IGFN1: variants seen among roughly 807,000 people sequenced by gnomAD.
IGFN1 encodes immunoglobulin like and fibronectin type III domain containing 1, also known as immunoglobulin-like and fibronectin type III domain-containing protein 1.
IGFN1 carries 253 observed loss-of-function variants against 289.5 expected under a neutral mutation model. The ratio of observed to expected loss-of-function variants is 0.87; its 90% CI spans 0.79 to 0.97. The LOEUF (loss-of-function observed/expected upper bound fraction) is 0.97, where lower values mean the gene tolerates loss of function less well. Among genes scored for constraint, IGFN1 ranks in the 50% least tolerant of loss-of-function variants. The probability of loss-of-function intolerance (pLI) is 0.00; values close to 1 mark genes in which losing one functional copy is unlikely to be tolerated. For synonymous variants in IGFN1, 1,706 were observed against 1,788.5 expected, an observed-to-expected ratio of 0.95 and a Z score of 1.16; for missense variants, 4,470 against 4,686.1, an observed-to-expected ratio of 0.95 and a Z score of 1.35.
At position 201,210,664 on chromosome 1, in the gene IGFN1, C is replaced by A. The variant is rs1199854213; in HGVS notation, c.5771C>A (p.Ala1924Glu). Residue 1924 changes from alanine to glutamate, a missense_variant, in exon 12 of 24, where the codon GCA (alanine) becomes GAA (glutamate). Ala to Glu is a moderately radical substitution (Grantham distance 107). This residue lies in a region of IGFN1 where 108 missense variants were observed against 128.7 expected (regional missense o/e 0.84). Coordinates refer to ENST00000335211, the MANE Select transcript of IGFN1 (RefSeq NM_001164586.2). Reference sequence around the variant, plus strand: ...GTAGAAATGGGGTCAGTGAATGAGGCAGGTTATAGGAAGGATTTGGGGGCT... The same window carrying A: ...GTAGAAATGGGGTCAGTGAATGAGGAAGGTTATAGGAAGGATTTGGGGGCT... ...SSVEMGSVNE[A>E]GYRKDLGAPE... The A allele has an allele frequency of 6.6e-7, 1 of 1,509,972 alleles. No individual in the cohort carries two copies. The highest frequency in any genetic ancestry group is 2.5e-5 in the East Asian group (1 of 39,650). The allele number at this position is 1,509,972 out of a possible 1,614,324, so 93.5% of individuals were successfully genotyped here. A position where few individuals can be genotyped will look rare whatever the true frequency, so the allele number is the denominator to read the frequency against.
Position 201,200,357 on chromosome 1 carries a change from C to T in IGFN1, c.579C>T (p.Gly193=). Residue 193 remains glycine (G), a synonymous_variant, in exon 8 of 24, where the codon GGC becomes GGT. Transcript: ENST00000335211. ...CLKYGIVDYR[G]MLRRLQEMKK... is the part of the protein sequence containing the mutation. ...AGTATGGCATCGTCGACTACCGTGG[C>T]ATGTTGCGCAGGCTGCAGGAGATGA... 1 of 1,551,822 alleles carries T rather than the reference C, an allele frequency of 6.4e-7. No homozygotes were observed. The highest frequency in any genetic ancestry group is 8.7e-7 in the Non-Finnish European group (1 of 1,147,022).
rs2102328987 is a variant in IGFN1 at position 201,203,790 on chromosome 1, GC to G, written c.802del (p.Arg268GlyfsTer13). The G allele has an allele frequency of 3.9e-6, 6 of 1,551,732 alleles. No individual in the cohort carries two copies. Among genetic ancestry groups the G allele is most frequent in the Non-Finnish European group, 5.2e-6 (6 of 1,147,022 alleles). On this transcript the variant is annotated frameshift_variant, in exon 10 of 24. Coordinates refer to ENST00000335211, the MANE Select transcript of IGFN1 (RefSeq NM_001164586.2). LOFTEE classifies it high-confidence loss of function. ...AACAACCAAACCAAGCACTGTCTGCGCCGGCTGGGGAAGCGCTATGAGTTCC... is the reference window on the plus strand; with the variant it reads ...AACAACCAAACCAAGCACTGTCTGCGCGGCTGGGGAAGCGCTATGAGTTCC... Reference protein sequence around the residue: ...GFNNQTKHCLRRLGKRYEFQI... With the variant: ...GFNNQTKHCLXRLGKRYEFQI...
Position 201,212,544 on chromosome 1 carries a change from C to T in IGFN1, c.7651C>T (p.Arg2551Trp), listed in dbSNP as rs141855456. The T allele has an allele frequency of 7.2e-5, 111 of 1,549,058 alleles. No individual in the cohort carries two copies. Among genetic ancestry groups the T allele is most frequent in the Middle Eastern group, 5.0e-4 (3 of 5,986 alleles). ...GGCTGCTCTAGGGTCTGGATATGAA[C>T]GGGACATCTGGAAAGCAGGCCCAGG... ...GMAALGSGYE[R>W]DIWKAGPGMT... Residue 2551 changes from arginine to tryptophan, a missense_variant, in exon 12 of 24, where the codon CGG becomes TGG. By Grantham distance (101) the Arg-to-Trp change is moderately radical (BLOSUM62 -3). Around this residue, in one of 8 missense-constraint regions of IGFN1, gnomAD observed 2,218 missense variants for 2,114.1 expected, o/e 1.05. Transcript: ENST00000335211.
At position 201,213,526 on chromosome 1, in the gene IGFN1, G is replaced by T; in HGVS notation, c.8633G>T (p.Gly2878Val). 6.2e-7 allele frequency: 1 copy of T among 1,614,066 alleles called. No individual in the cohort carries two copies. The highest frequency in any genetic ancestry group is 1.7e-5 in the Admixed American group (1 of 60,012). Reference sequence around the variant, plus strand: ...GGTAGCAGGAGAAGTGGCAAAGACGGCAGGTTGGACATCTATGGAGAGAGG... The same window carrying T: ...GGTAGCAGGAGAAGTGGCAAAGACGTCAGGTTGGACATCTATGGAGAGAGG... ...HLGSRRSGKDGRLDIYGERRD... is the reference protein window; with the variant it reads ...HLGSRRSGKDVRLDIYGERRD... The change falls in exon 12 of 24, where the codon GGC becomes GTC. Residue 2878 changes from glycine (G) to valine (V), a missense_variant. Gly to Val is a moderately radical substitution (Grantham distance 109, BLOSUM62 -3). Around this residue, in one of 8 missense-constraint regions of IGFN1, gnomAD observed 2,218 missense variants for 2,114.1 expected, o/e 1.05. Coordinates refer to ENST00000335211, the MANE Select transcript of IGFN1 (RefSeq NM_001164586.2).
At chr1:201,199,755 A>C in intron 7 of IGFN1, 101 bp downstream of exon 7, 1 of 998,682 alleles carries the variant, frequency 1.0e-6, no homozygotes, top group Non-Finnish European at 1.5e-6. Context: ...CCTCTACCCA[A>C]CACAGCAGGG....
At position 201,225,964 on chromosome 1, in the gene IGFN1, C is replaced by G. The variant is rs1459319093; in HGVS notation, c.10627C>G (p.Pro3543Ala). The change falls in exon 22 of 24, where the codon CCC becomes GCC. Residue 3543 changes from proline to alanine, a missense_variant. Pro to Ala is a conservative substitution (Grantham distance 27). Coordinates refer to ENST00000335211, the MANE Select transcript of IGFN1 (RefSeq NM_001164586.2). Reference protein sequence around the residue: ...AVFTRSSAHGPWHEAADRIHT... With the variant: ...AVFTRSSAHGAWHEAADRIHT... ...GTTCACACGCTCCTCAGCGCACGGT[C>G]CCTGGCACGAGGCAGCCGACCGCAT... The G allele has an allele frequency of 6.3e-7, 1 of 1,582,668 alleles. No individual in the cohort carries two copies. The highest frequency in any genetic ancestry group is 8.6e-7 in the Non-Finnish European group (1 of 1,162,590).
At position 201,216,761 on chromosome 1, in the gene IGFN1, A is replaced by T; in HGVS notation, c.9595+8A>T. 6.3e-7 allele frequency: 1 copy of T among 1,583,224 alleles called. No individual in the cohort carries two copies. The highest frequency in any genetic ancestry group is 8.6e-7 in the Non-Finnish European group (1 of 1,163,012). On this transcript the variant is annotated splice_region_variant and intron_variant, in intron 16 of 23. Transcript: ENST00000335211. ...TATTGGTGGCTCCTGAGGGTGAGAG[A>T]AAAGGCTGGGGCTGGGGGTGGGGGA...
Position 201,195,891 on chromosome 1 carries a change from G to T in IGFN1, c.180G>T (p.Val60=), listed in dbSNP as rs565971078. 6.4e-7 allele frequency: 1 copy of T among 1,551,730 alleles called. No homozygotes were observed. Among genetic ancestry groups the T allele is most frequent in the South Asian group, 1.2e-5 (1 of 84,048 alleles). Residue 60 remains valine (V), a synonymous_variant, in exon 4 of 24, where the codon GTG becomes GTT. Coordinates refer to ENST00000335211, the MANE Select transcript of IGFN1 (RefSeq NM_001164586.2). ...TCTGTGGGGAGCCCAGGCCCGAGGT[G>T]CGTTGGCAGAACTCCAAAGGTGACC... ...AVVCGEPRPE[V]RWQNSKGDLS... is the part of the protein sequence containing the mutation.
At chr1:201,213,701 G>A (rs893374908) in intron 12 of IGFN1, 80 bp downstream of exon 12, 1 of 1,190,102 alleles carries the variant, frequency 8.4e-7, no homozygotes, top group Non-Finnish European at 1.2e-6. Context: ...GCTTGGGTCT[G>A]TCCCAGTTCT....
At chr1:201,196,493 C>T (rs892558373) in intron 4 of IGFN1, among the ~76,000 whole-genome samples, 6 of 152,228 alleles carry the variant, frequency 3.9e-5, no homozygotes, top group Admixed American at 2.0e-4. Context: ...TACAGGCATG[C>T]GCCATCACGC....
chr1:201,212,323 AG>A lies in IGFN1; in HGVS notation c.7432del (p.Ala2478ProfsTer34). On this transcript the variant is annotated frameshift_variant, in exon 12 of 24. Transcript: ENST00000335211. LOFTEE classifies it high-confidence loss of function. The stretch of plus-strand genomic sequence containing the variant: ...GGCTATGGAACTTCAGGGATCCCTG[AG>A]GCCTCGGAGGCTGCTGGTGCCAAGG... Reference protein sequence around the residue: ...LGGYGTSGIPEASEAAGAKGK... With the variant: ...LGGYGTSGIPXASEAAGAKGK... 6.5e-7 allele frequency: 1 copy of A among 1,536,690 alleles called. No individual in the cohort carries two copies. The highest frequency in any genetic ancestry group is 8.7e-7 in the Non-Finnish European group (1 of 1,146,776).
chr1:201,200,238 G>A lies in IGFN1; in HGVS notation c.460G>A (p.Ala154Thr), dbSNP rs1329968975. The A allele has an allele frequency of 1.3e-6, 2 of 1,551,218 alleles. No individual in the cohort carries two copies. Among genetic ancestry groups the A allele is most frequent in the South Asian group, 1.2e-5 (1 of 83,972 alleles). ...MDFRKLLKKRAPPAPKKKMDL... is the reference protein window; with the variant it reads ...MDFRKLLKKRTPPAPKKKMDL... Reference sequence around the variant, plus strand: ...TGACCTGCTAGCCTTGCTCCCCAGGGCCCCACCAGCCCCCAAGAAAAAGAT... The same window carrying A: ...TGACCTGCTAGCCTTGCTCCCCAGGACCCCACCAGCCCCCAAGAAAAAGAT... The change falls in exon 8 of 24, where the codon GCC becomes ACC. Residue 154 changes from alanine (A) to threonine (T), a missense_variant and splice_region_variant. Physicochemically the swap from Ala to Thr is moderately conservative, Grantham distance 58 (BLOSUM62 0). Around this residue, in one of 8 missense-constraint regions of IGFN1, gnomAD observed 2,011 missense variants for 1,953.4 expected, o/e 1.03. Transcript: ENST00000335211.
rs780125826 is a variant in IGFN1, at chr1:201,214,265, C to T, written c.8817C>T (p.Asp2939=). Residue 2939 remains aspartate, a synonymous_variant, in exon 13 of 24, where the codon GAC becomes GAT. Transcript: ENST00000335211. ...CACTCTCCTGTACCCTCACCAGTGA[C>T]CTGGGACCTGGCACCTGGTTTAAGG... ...AATLSCTLTS[D]LGPGTWFKDG... 6 of 1,613,088 alleles carry T rather than the reference C, an allele frequency of 3.7e-6. No homozygotes were observed. The highest frequency in any genetic ancestry group is 4.5e-5 in the East Asian group (2 of 44,854).
intron 17 of IGFN1, among the ~76,000 whole-genome samples, chr1:201,217,670 T>C (rs1340530034): frequency 1.3e-5 from 2 of 152,138 alleles, no homozygotes; most frequent in Non-Finnish European, 2.9e-5. Flanking sequence ...CAAAACCTCC[T>C]ACAGTATACA....
At position 201,226,066 on chromosome 1, in the gene IGFN1, C is replaced by G. The variant is rs137958343; in HGVS notation, c.10729C>G (p.Leu3577Val). 19 of 1,602,352 alleles carry G rather than the reference C, an allele frequency of 1.2e-5. No homozygotes were observed. In the African/African-American group the frequency reaches 2.4e-4, roughly 20 times the overall value. ...YHFRVVAKNELGASKPSDTSQ... is the reference protein window; with the variant it reads ...YHFRVVAKNEVGASKPSDTSQ... ...CTTCAGGGTGGTGGCCAAGAATGAG[C>G]TGGGGGCCAGCAAACCCTCGGACAC... The change falls in exon 22 of 24, where the codon CTG becomes GTG. Residue 3577 changes from leucine to valine, a missense_variant. By Grantham distance (32) the Leu-to-Val change is conservative. Transcript: ENST00000335211.
At position 201,212,617 on chromosome 1, in the gene IGFN1, AG is replaced by A; in HGVS notation, c.7727del (p.Gly2576GlufsTer12). ...GCTGGCCAGGGGGGGTTGGCATCTC[AG>A]GGAGGTGGGGACTCACTTTTGGGAG... ...RVAGQGGLASQGGGDSLLGGR... is the reference protein window; with the variant it reads ...RVAGQGGLASXGGGDSLLGGR... On this transcript the variant is annotated frameshift_variant, in exon 12 of 24. Transcript: ENST00000335211. LOFTEE classifies it high-confidence loss of function. 3 of 1,543,382 alleles carry A rather than the reference AG, an allele frequency of 1.9e-6. No individual in the cohort carries two copies. The highest frequency in any genetic ancestry group is 2.6e-6 in the Non-Finnish European group (3 of 1,142,886).
rs563155391 is a variant in IGFN1, at chr1:201,194,233, G to A, written c.87G>A (p.Pro29=). 3.7e-5 allele frequency: 58 copies of A among 1,551,572 alleles called. 1 individual carries two copies. In the Middle Eastern group the frequency reaches 5.0e-4, roughly 13 times the overall value. Residue 29 remains proline (P), a synonymous_variant, in exon 3 of 24, where the codon CCG becomes CCA. Transcript: ENST00000335211. ...AGATCCCTGAAGGCTGCAGCACGCC[G>A]GACTTTGAGCAGAAGCCCGTCACCT... ...VEEIPEGCST[P]DFEQKPVTSA... is the part of the protein sequence containing the mutation.
rs751920984 is a variant in IGFN1 at position 201,215,074 on chromosome 1, C to A, written c.8915C>A (p.Thr2972Lys). 2.5e-6 allele frequency: 4 copies of A among 1,613,966 alleles called. No individual in the cohort carries two copies. The highest frequency in any genetic ancestry group is 2.7e-5 in the African/African-American group (2 of 74,904). ...GGTCTCGTGCACAGCCTCTTCATCACGCATGTGCAGGGGACCCAAGCTGGG... is the reference window on the plus strand; with the variant it reads ...GGTCTCGTGCACAGCCTCTTCATCAAGCATGTGCAGGGGACCCAAGCTGGG... ...QDGLVHSLFI[T>K]HVQGTQAGRY... Residue 2972 changes from threonine (T) to lysine (K), a missense_variant, in exon 14 of 24, where the codon ACG becomes AAG. Coordinates refer to ENST00000335211, the MANE Select transcript of IGFN1 (RefSeq NM_001164586.2).
At position 201,211,268 on chromosome 1, in the gene IGFN1, G is replaced by T; in HGVS notation, c.6375G>T (p.Arg2125Ser). 1.3e-6 allele frequency: 2 copies of T among 1,531,776 alleles called. No individual in the cohort carries two copies. The highest frequency in any genetic ancestry group is 3.4e-4 in the Middle Eastern group (2 of 5,970). 94.9% of individuals were successfully genotyped at this position (1,531,776 alleles called of 1,614,324 possible). The part of the protein sequence containing the change: ...GIGSGSKAGF[R>S]DGLGSSTEMG... ...GTTCAGGAAGTAAGGCAGGTTTTAGGGATGGTTTAGGGAGTTCTACAGAAA... is the reference window on the plus strand; with the variant it reads ...GTTCAGGAAGTAAGGCAGGTTTTAGTGATGGTTTAGGGAGTTCTACAGAAA... The change falls in exon 12 of 24, where the codon AGG becomes AGT. Residue 2125 changes from arginine to serine, a missense_variant. Physicochemically the swap from Arg to Ser is moderately radical, Grantham distance 110 (BLOSUM62 -1). This residue lies in a region of IGFN1 where 2,218 missense variants were observed against 2,114.1 expected (regional missense o/e 1.05). Transcript: ENST00000335211.
Sources: gnomAD v4.1 joint callset for allele counts (sites outside exome capture counted in the v4.1 genomes callset) on GRCh38, gnomAD v4.1.1 for gene constraint, gnomAD v4.1.1 regional missense constraint, MANE v1.5 for transcripts, NCBI Gene and HGNC (gene_info 2026-07-23, HGNC 2026-07-21) for gene names.